OR56A3: variants seen among roughly 807,000 people sequenced by gnomAD.
The protein encoded by OR56A3 is olfactory receptor family 56 subfamily A member 3.
In OR56A3, 23 loss-of-function variants were observed where a neutral mutation model predicts 17.5. The ratio of observed to expected loss-of-function variants is 1.32; its 90% CI spans 0.95 to 1.87. OR56A3 has a LOEUF of 1.87. OR56A3 is among the 40% of genes most tolerant of loss of function. OR56A3 has a pLI of 0.00. For synonymous variants in OR56A3, 175 were observed against 150.6 expected (o/e 1.16, Z -1.19); for missense variants, 366 against 380.1 (o/e 0.96, Z 0.31).
chr11:5,971,621 C>G, the OR56A3 span, among the ~76,000 whole-genome samples: 1 of 152,140 alleles, frequency 6.6e-6, no homozygotes, highest in Non-Finnish European at 1.5e-5. Context: ...GGTTAGATAC[C>G]TGAACATACT....
At chr11:6,019,325 A>G in the OR56A3 span, 1 of 152,170 alleles carries the variant, frequency 6.6e-6, no homozygotes, top group Non-Finnish European at 1.5e-5. Flanking sequence ...ATACATCATA[A>G]CCAAGTGGGA....
At chr11:6,007,027 C>T in the OR56A3 span, 1 of 152,266 alleles carries the variant, frequency 6.6e-6, no homozygotes, top group Non-Finnish European at 1.5e-5. Context: ...ACACTACTCA[C>T]AAGAGTTAGT....
the OR56A3 span, among the ~76,000 whole-genome samples, chr11:6,018,051 T>C: frequency 2.0e-5 from 3 of 151,980 alleles, no homozygotes; most frequent in Admixed American, 1.3e-4. Context: ...TATATATATA[T>C]ATATATATAT....
At chr11:6,007,038 G>A in the OR56A3 span, 69,291 of 152,052 alleles carry the variant, frequency 0.46, 17,358 homozygotes, top group East Asian at 0.93. Context: ...AAGAGTTAGT[G>A]CCATTATTAG....
chr11:5,978,707 T>G, the OR56A3 span, among the ~76,000 whole-genome samples: 1 of 152,142 alleles, frequency 6.6e-6, no homozygotes, highest in Non-Finnish European at 1.5e-5. Context: ...TGCCTTTTCT[T>G]TCTTTTTCTT....
chr11:5,974,038 A>G, the OR56A3 span, among the ~76,000 whole-genome samples: 108 of 151,550 alleles, frequency 7.1e-4, no homozygotes, highest in Non-Finnish European at 1.3e-3. Flanking sequence ...TGCTGTTGCT[A>G]TCTCCTACGT....
chr11:6,012,890 G>C, the OR56A3 span, among the ~76,000 whole-genome samples: 2 of 152,248 alleles, frequency 1.3e-5, no homozygotes, highest in African/African-American at 4.8e-5. Context: ...CACCAGCTGG[G>C]CTGTGATAGC....
the OR56A3 span, chr11:6,020,751 A>G: frequency 6.6e-6 from 1 of 152,096 alleles, no homozygotes; most frequent in African/African-American, 2.4e-5. Flanking sequence ...GTCATCTGCA[A>G]ACAGAGACAG....
the OR56A3 span, among the ~76,000 whole-genome samples, chr11:5,989,500 CAT>C: frequency 6.6e-6 from 1 of 152,194 alleles, no homozygotes; most frequent in East Asian, 1.9e-4. Context: ...AGCAGAGACA[CAT>C]GTAACTGAGT....
At chr11:5,968,533 G>T in the OR56A3 span, 3 of 1,381,908 alleles carry the variant, frequency 2.2e-6, no homozygotes, top group Non-Finnish European at 2.0e-6. Flanking sequence ...ACCTGAAATT[G>T]TGTTTGATAA....
the OR56A3 span, among the ~76,000 whole-genome samples, chr11:6,007,476 G>A: frequency 5.3e-5 from 8 of 152,272 alleles, no homozygotes; most frequent in South Asian, 6.2e-4. Context: ...AAAAGGTAAC[G>A]ATGTAAAGCA....
the OR56A3 span, among the ~76,000 whole-genome samples, chr11:5,979,542 A>AT: frequency 3.3e-5 from 5 of 151,894 alleles, no homozygotes; most frequent in African/African-American, 1.2e-4. Flanking sequence ...AACTTTCCGT[A>AT]TTTTTGTGGA....
At chr11:5,961,684 C>T in the OR56A3 span, among the ~76,000 whole-genome samples, 1 of 151,146 alleles carries the variant, frequency 6.6e-6, no homozygotes, top group South Asian at 2.1e-4. Context: ...ACCTTCCCTC[C>T]ACTATTGTCC....
At chr11:6,021,551 T>C in the OR56A3 span, 1 of 152,092 alleles carries the variant, frequency 6.6e-6, no homozygotes, top group Non-Finnish European at 1.5e-5. Context: ...AAAAATTATT[T>C]AAAGTACTGA....
chr11:6,013,163 G>C, the OR56A3 span, among the ~76,000 whole-genome samples: 20 of 152,262 alleles, frequency 1.3e-4, no homozygotes, highest in Admixed American at 1.2e-3. Flanking sequence ...ATGCCTGGGA[G>C]GGTGGGGCTG....
At chr11:5,975,130 T>C in the OR56A3 span, among the ~76,000 whole-genome samples, 3 of 152,340 alleles carry the variant, frequency 2.0e-5, no homozygotes, top group African/African-American at 7.2e-5. Context: ...TCATATATTG[T>C]GGAGATAAAA....
the OR56A3 span, among the ~76,000 whole-genome samples, chr11:6,005,389 C>A: frequency 6.6e-6 from 1 of 152,172 alleles, no homozygotes; most frequent in Non-Finnish European, 1.5e-5. Context: ...GGGGCTACTG[C>A]ATCCCAAGTT....
At chr11:5,943,679 G>A (rs10431005) in intron 1 of OR56A3, among the ~76,000 whole-genome samples, 39,265 of 151,932 alleles carry the variant, frequency 0.26, 5,232 homozygotes, top group Non-Finnish European at 0.29. Flanking sequence ...ATTTCTGTAC[G>A]CCAATAAAGT....
the OR56A3 span, among the ~76,000 whole-genome samples, chr11:5,993,353 A>T: frequency 6.6e-6 from 1 of 152,248 alleles, no homozygotes; most frequent in African/African-American, 2.4e-5. Flanking sequence ...TCAAGCATAG[A>T]TGGTGGGAGG....
Sources: gnomAD v4.1 joint callset for allele counts (sites outside exome capture counted in the v4.1 genomes callset) on GRCh38, gnomAD v4.1.1 for gene constraint, MANE v1.5 for transcripts, NCBI Gene and HGNC (gene_info 2026-07-23, HGNC 2026-07-21) for gene names.